CFAP77: variants seen among roughly 807,000 people sequenced by gnomAD.
CFAP77 encodes the protein cilia and flagella associated protein 77, also known as cilia- and flagella-associated protein 77.
Under a neutral mutation model 31.1 loss-of-function variants are expected in CFAP77, and 25 were observed. That is an observed-to-expected ratio of 0.80 (90% CI 0.59 to 1.12). CFAP77 has a LOEUF of 1.12. CFAP77 is among the 50% of genes most tolerant of loss of function. CFAP77 has a pLI of 0.00. For synonymous variants in CFAP77, 151 were observed against 159.9 expected, an observed-to-expected ratio of 0.94 and a Z score of 0.42; for missense variants, 377 against 397.3, an observed-to-expected ratio of 0.95 and a Z score of 0.44.
chr9:132,565,546 G>T lies in CFAP77; in HGVS notation c.733-6842G>T, dbSNP rs183237097. Among the ~76,000 whole-genome samples the T allele has an allele frequency of 2.0e-5, 3 of 151,966 alleles. No individual in the cohort carries two copies. The highest frequency in any genetic ancestry group is 4.4e-5 in the Non-Finnish European group (3 of 68,006). On this transcript the variant is annotated intron_variant, in intron 5 of 5. Coordinates refer to ENST00000393216, the MANE Select transcript of CFAP77 (RefSeq NM_001282957.2). The surrounding 1 kb of genome is among the most constrained non-coding windows in gnomAD (Gnocchi z 4.1). ...CTCGGGAGGCTGAGGAAGGAGGATC[G>T]CTTGAACCCGGGAGGCAGAGTTTGC...
chr9:132,512,434 T>G (rs2118996886), intron 3 of CFAP77, among the ~76,000 whole-genome samples: 1 of 152,320 alleles, frequency 6.6e-6, no homozygotes, highest in South Asian at 2.1e-4. Flanking sequence ...TATGGACACA[T>G]CTTTTGGTGG....
In CFAP77 at chr9:132,499,305, G is replaced by C; in HGVS notation, c.296-67G>C. 6.9e-7 allele frequency: 1 copy of C among 1,452,806 alleles called. No individual in the cohort carries two copies. Among genetic ancestry groups the C allele is most frequent in the Non-Finnish European group, 9.5e-7 (1 of 1,049,552 alleles). 90.0% of individuals were successfully genotyped at this position (1,452,806 alleles called of 1,614,324 possible). ...GACCCGCGTGCCCCCATTTCTTCTC[G>C]ATCAGCTGCCTCAGGGTGCTTACTC... On this transcript the variant is annotated intron_variant, in intron 2 of 5. Coordinates refer to ENST00000393216, the MANE Select transcript of CFAP77 (RefSeq NM_001282957.2). The surrounding 1 kb of genome is among the most constrained non-coding windows in gnomAD (Gnocchi z 5.4).
chr9:132,523,978 T>G (rs1452468941), intron 3 of CFAP77, among the ~76,000 whole-genome samples: 1 of 152,142 alleles, frequency 6.6e-6, no homozygotes, highest in African/African-American at 2.4e-5. Context: ...GATTTGGTGC[T>G]ATTATACATA....
chr9:132,570,971 G>A (rs1226915062), intron 5 of CFAP77, among the ~76,000 whole-genome samples: 2 of 151,898 alleles, frequency 1.3e-5, no homozygotes, highest in South Asian at 4.2e-4. Flanking sequence ...GGGATTCCAC[G>A]TGGCCCCGAG....
intron 3 of CFAP77, among the ~76,000 whole-genome samples, chr9:132,526,527 C>A (rs576667213): frequency 7.0e-6 from 1 of 142,212 alleles, no homozygotes; most frequent in African/African-American, 2.7e-5. Context: ...CCACAGCGCC[C>A]GACCGGCAGT....
In CFAP77 at chr9:132,505,251, G is replaced by A. The variant is rs571517683; in HGVS notation, c.524+5651G>A. 3.9e-5 allele frequency among the ~76,000 whole-genome samples: 6 copies of A among 152,248 alleles called. No homozygotes were observed. The East Asian group carries it at 1.2e-3, about 29-fold the overall frequency. ...AGTGGGCAAATGAATTGTGGTGAGG[G>A]GTGCACCCCCTCTTCTCCACACGTC... On this transcript the variant is annotated intron_variant, in intron 3 of 5. Coordinates refer to ENST00000393216, the MANE Select transcript of CFAP77 (RefSeq NM_001282957.2).
chr9:132,451,455 A>G (rs1034944082), intron 1 of CFAP77, among the ~76,000 whole-genome samples: 2 of 152,190 alleles, frequency 1.3e-5, no homozygotes, highest in African/African-American at 4.8e-5. Flanking sequence ...CGGAAGGCCC[A>G]TGACATTCAA....
chr9:132,433,793 C>A (rs1031270060), intron 1 of CFAP77, among the ~76,000 whole-genome samples: 1 of 152,026 alleles, frequency 6.6e-6, no homozygotes, highest in Non-Finnish European at 1.5e-5. Flanking sequence ...GGTGATCCAC[C>A]CGCCTCGGCC....
chr9:132,428,260 T>C (rs1850349473), intron 1 of CFAP77, among the ~76,000 whole-genome samples: 1 of 152,056 alleles, frequency 6.6e-6, no homozygotes, highest in East Asian at 1.9e-4. Context: ...TCCTCCTGCA[T>C]TGGCCTCTCA....
intron 1 of CFAP77, among the ~76,000 whole-genome samples, chr9:132,493,670 C>T (rs73556752): frequency 0.09 from 13,731 of 152,268 alleles, 986 homozygotes; most frequent in African/African-American, 0.2. Flanking sequence ...AGGGGTCCTG[C>T]ACTCCTGACT....
rs1296459783 is a variant in CFAP77 at position 132,499,697 on chromosome 9, C to T, written c.524+97C>T. ...GGAGGGTGACAGGGAAGTGGAGCAT[C>T]CTCCCAGCCCCACTGTCCTCTCTTC... On this transcript the variant is annotated intron_variant, in intron 3 of 5. Coordinates refer to ENST00000393216, the MANE Select transcript of CFAP77 (RefSeq NM_001282957.2). The surrounding 1 kb of genome is among the most constrained non-coding windows in gnomAD (Gnocchi z 5.4). 9 of 1,042,496 alleles carry T rather than the reference C, an allele frequency of 8.6e-6. No individual in the cohort carries two copies. The highest frequency in any genetic ancestry group is 1.0e-5 in the Non-Finnish European group (7 of 685,260). The allele number at this position is 1,042,496 out of a possible 1,614,324, so 64.6% of individuals were successfully genotyped here.
chr9:132,432,680 C>T (rs1388359483), intron 1 of CFAP77, among the ~76,000 whole-genome samples: 3 of 151,630 alleles, frequency 2.0e-5, no homozygotes, highest in South Asian at 4.2e-4. Flanking sequence ...TATAGGCATG[C>T]GCCACCACAC....
intron 5 of CFAP77, among the ~76,000 whole-genome samples, chr9:132,568,241 GC>G (rs58748439): frequency 0.063 from 9,640 of 152,212 alleles, 420 homozygotes; most frequent in Non-Finnish European, 0.096. Flanking sequence ...GCTGTACAAC[GC>G]TGTGCCTAGA....
intron 5 of CFAP77, among the ~76,000 whole-genome samples, chr9:132,544,017 A>G (rs1589917857): frequency 1.3e-5 from 2 of 152,298 alleles, no homozygotes; most frequent in Non-Finnish European, 2.9e-5. Context: ...CCCCGGGAAG[A>G]CAGCTGCAAT....
In CFAP77 at chr9:132,425,043, G is replaced by A. The variant is rs1056304877; in HGVS notation, c.195+14577G>A. Among the ~76,000 whole-genome samples the A allele has an allele frequency of 2.8e-4, 42 of 152,266 alleles. 1 individual carries two copies. The highest frequency in any genetic ancestry group is 2.0e-3 in the Admixed American group (31 of 15,290). On this transcript the variant is annotated intron_variant, in intron 1 of 5. Transcript: ENST00000393216. ...GCATCAAAGCCCAGCTCAGGGCGGC[G>A]GGAGGGATTAATTTCTTTAACCAAC...
At chr9:132,482,501 G>A in intron 1 of CFAP77, 2 of 990,412 alleles carry the variant, frequency 2.0e-6, no homozygotes, top group Non-Finnish European at 3.2e-6. Flanking sequence ...CACACCTACT[G>A]CGTGCTGGGC....
intron 3 of CFAP77, among the ~76,000 whole-genome samples, chr9:132,502,538 T>C (rs796325366): frequency 7.9e-5 from 12 of 152,292 alleles, no homozygotes; most frequent in African/African-American, 2.9e-4. Flanking sequence ...TCCTATGAAT[T>C]TGACTACTCT....
At chr9:132,505,837 G>A (rs1851922011) in intron 3 of CFAP77, among the ~76,000 whole-genome samples, 1 of 152,142 alleles carries the variant, frequency 6.6e-6, no homozygotes, top group Non-Finnish European at 1.5e-5. Flanking sequence ...TAGGCACGGA[G>A]TTTGGAACCC....
chr9:132,455,557 C>T lies in CFAP77; in HGVS notation c.196-43138C>T, dbSNP rs1850898011. On this transcript the variant is annotated intron_variant, in intron 1 of 5. Coordinates refer to ENST00000393216, the MANE Select transcript of CFAP77 (RefSeq NM_001282957.2). The surrounding 1 kb of genome is among the most constrained non-coding windows in gnomAD (Gnocchi z 4.1). ...CCAGCCTGGGCAACATGGCGAGACC[C>T]TATCTCTACTAAAAATACAAAAAAA... 6.6e-6 allele frequency among the ~76,000 whole-genome samples: 1 copy of T among 151,760 alleles called. No individual in the cohort carries two copies. Among genetic ancestry groups the T allele is most frequent in the African/African-American group, 2.4e-5 (1 of 41,272 alleles).
Sources: gnomAD v4.1 joint callset for allele counts (sites outside exome capture counted in the v4.1 genomes callset) on GRCh38, gnomAD v4.1.1 for gene constraint, Gnocchi (gnomAD v3.1) non-coding constraint, MANE v1.5 for transcripts, NCBI Gene and HGNC (gene_info 2026-07-23, HGNC 2026-07-21) for gene names.